The following SLC39A8 variants were observed in gnomAD, a reference collection of about 807,000 sequenced individuals.
SLC39A8 encodes metal cation symporter ZIP8.
Under a neutral mutation model 40.4 loss-of-function variants are expected in SLC39A8, and 15 were observed. That is an observed-to-expected ratio of 0.37 (90% CI 0.25 to 0.57). SLC39A8 has a LOEUF of 0.57. SLC39A8 is among the 20% of genes least tolerant of loss of function. SLC39A8 has a pLI of 0.75. For synonymous variants in SLC39A8, 223 were observed against 221.6 expected (o/e 1.01, Z -0.06); for missense variants, 472 against 558.8 (o/e 0.84, Z 1.57).
intron 8 of SLC39A8, among the ~76,000 whole-genome samples, chr4:102,264,972 C>T (rs904422824): frequency 6.6e-6 from 1 of 152,214 alleles, no homozygotes; most frequent in East Asian, 1.9e-4. Flanking sequence ...TCTATCCATA[C>T]CACGTAAATT....
chr4:102,344,298 C>A, intron 2 of SLC39A8, 146 bp downstream of exon 2: 1 of 577,706 alleles, frequency 1.7e-6, no homozygotes, highest in Non-Finnish European at 2.9e-6. Flanking sequence ...TAGTGAAAAG[C>A]AAGTGTCACC....
At chr4:102,298,397 T>C (rs1223468762) in intron 6 of SLC39A8, among the ~76,000 whole-genome samples, 1 of 152,070 alleles carries the variant, frequency 6.6e-6, no homozygotes, top group Non-Finnish European at 1.5e-5. Flanking sequence ...CTCCTCATGA[T>C]TGGCTATATC....
At chr4:102,298,276 TAGCAACACATAG>T (rs1733762756) in intron 6 of SLC39A8, among the ~76,000 whole-genome samples, 2 of 152,112 alleles carry the variant, frequency 1.3e-5, no homozygotes, top group South Asian at 4.2e-4. Context: ...TTCATGACCT[TAGCAACACATAG>T]AGTAAAGCCA....
At chr4:102,327,501 A>G (rs955120542) in intron 2 of SLC39A8, among the ~76,000 whole-genome samples, 1 of 152,202 alleles carries the variant, frequency 6.6e-6, no homozygotes, top group African/African-American at 2.4e-5. Flanking sequence ...CTGTCCTGCA[A>G]GGCCCATTTG....
chr4:102,267,740 TA>T, intron 7 of SLC39A8, 66 bp from the exon 8 acceptor site: 4 of 1,523,420 alleles, frequency 2.6e-6, no homozygotes, highest in Non-Finnish European at 3.6e-6. Context: ...ATATCAAAGA[TA>T]ATCATCAATG....
At chr4:102,312,806 A>C (rs1292980046) in intron 3 of SLC39A8, among the ~76,000 whole-genome samples, 1 of 152,116 alleles carries the variant, frequency 6.6e-6, no homozygotes, top group African/African-American at 2.4e-5. Context: ...TAGATGAGGA[A>C]GCTGAGGCAG....
At chr4:102,312,221 G>A (rs1734464210) in intron 3 of SLC39A8, among the ~76,000 whole-genome samples, 1 of 151,996 alleles carries the variant, frequency 6.6e-6, no homozygotes. Flanking sequence ...GTAGTAACAA[G>A]CACTCTACTA....
intron 2 of SLC39A8, among the ~76,000 whole-genome samples, chr4:102,336,419 T>G (rs2149054646): frequency 6.6e-6 from 1 of 152,338 alleles, no homozygotes; most frequent in South Asian, 2.1e-4. Context: ...CTAAGATAGT[T>G]AGAGGTCTAA....
intron 2 of SLC39A8, among the ~76,000 whole-genome samples, chr4:102,341,408 G>A (rs1014909470): frequency 6.6e-6 from 1 of 152,156 alleles, no homozygotes; most frequent in Non-Finnish European, 1.5e-5. Context: ...AATGAGAAAG[G>A]AACAGCTGAA....
chr4:102,273,374 T>C (rs144401529), intron 6 of SLC39A8, among the ~76,000 whole-genome samples: 45,831 of 152,104 alleles, frequency 0.3, 7,604 homozygotes, highest in East Asian at 0.41. Flanking sequence ...GCAAAGCCAC[T>C]GTAGCCAGAC....
At position 102,278,045 on chromosome 4, in the gene SLC39A8, C is replaced by T. The variant is rs550028651; in HGVS notation, c.841-9966G>A. ...AACCCTAGAAACCCTAGAAGGAAAC[C>T]TAGGCAATACCATTCAAGACATAGG... On this transcript the variant is annotated intron_variant, in intron 6 of 8. Coordinates refer to ENST00000356736, the MANE Select transcript of SLC39A8 (RefSeq NM_001135146.2). 2.6e-5 allele frequency among the ~76,000 whole-genome samples: 4 copies of T among 152,276 alleles called. No individual in the cohort carries two copies. The South Asian group carries it at 6.2e-4, about 24-fold the overall frequency.
At chr4:102,270,736 C>T (rs554873867) in intron 6 of SLC39A8, among the ~76,000 whole-genome samples, 32 of 152,094 alleles carry the variant, frequency 2.1e-4, no homozygotes, top group African/African-American at 7.5e-4. Flanking sequence ...ACTTGTAACA[C>T]CTTTCACTTA....
chr4:102,272,281 T>TA (rs1454723223), intron 6 of SLC39A8, among the ~76,000 whole-genome samples: 1 of 150,990 alleles, frequency 6.6e-6, no homozygotes, highest in Admixed American at 6.6e-5. Flanking sequence ...AAAATACTAA[T>TA]AAAAAAAATT....
intron 6 of SLC39A8, among the ~76,000 whole-genome samples, chr4:102,272,924 G>C (rs916728072): frequency 7.9e-5 from 12 of 152,154 alleles, no homozygotes; most frequent in Non-Finnish European, 1.0e-4. Flanking sequence ...CAGATACTAT[G>C]CTTTTCCCAA....
At chr4:102,282,369 A>G (rs1403942435) in intron 6 of SLC39A8, among the ~76,000 whole-genome samples, 1 of 152,332 alleles carries the variant, frequency 6.6e-6, no homozygotes, top group African/African-American at 2.4e-5. Context: ...GAGCAAACAC[A>G]TGGACATTTA....
intron 6 of SLC39A8, among the ~76,000 whole-genome samples, chr4:102,292,624 G>A (rs925276340): frequency 1.3e-5 from 2 of 151,998 alleles, no homozygotes; most frequent in Non-Finnish European, 2.9e-5. Flanking sequence ...ATGATTCGAT[G>A]ACTTTGAACC....
chr4:102,318,181 C>T (rs1321457537), intron 2 of SLC39A8, among the ~76,000 whole-genome samples: 1 of 152,056 alleles, frequency 6.6e-6, no homozygotes, highest in African/African-American at 2.4e-5. Flanking sequence ...AAAAAAGAAA[C>T]AGTGCAGTCA....
chr4:102,294,377 CTT>C (rs1191562626), intron 6 of SLC39A8, among the ~76,000 whole-genome samples: 4 of 151,962 alleles, frequency 2.6e-5, no homozygotes, highest in Non-Finnish European at 5.9e-5. Context: ...TATGATCACT[CTT>C]AATATCTGAT....
Position 102,262,123 on chromosome 4 carries a change from G to A in SLC39A8, c.*921C>T, listed in dbSNP as rs1731891771. 1.0e-6 allele frequency: 1 copy of A among 985,700 alleles called. No individual in the cohort carries two copies. The highest frequency in any genetic ancestry group is 1.2e-6 in the Non-Finnish European group (1 of 829,816). 61.1% of individuals were successfully genotyped at this position (985,700 alleles called of 1,614,324 possible). A position where few individuals can be genotyped will look rare whatever the true frequency, so the allele number is the denominator to read the frequency against. On this transcript the variant is annotated 3_prime_UTR_variant, in exon 9 of 9. Coordinates refer to ENST00000356736, the MANE Select transcript of SLC39A8 (RefSeq NM_001135146.2). ...GTCCTTGATGTACAGCAGTCCAGCT[G>A]TTGTTTTGCATTTATTAAAATATTC...
Sources: gnomAD v4.1 joint callset for allele counts (sites outside exome capture counted in the v4.1 genomes callset) on GRCh38, gnomAD v4.1.1 for gene constraint, MANE v1.5 for transcripts, NCBI Gene and HGNC (gene_info 2026-07-23, HGNC 2026-07-21) for gene names.